SV2C: variants seen among roughly 807,000 people sequenced by gnomAD.
SV2C encodes solute carrier family 22 member B3.
A neutral mutation model predicts 79.7 loss-of-function variants in SV2C; 49 were observed. The observed-to-expected ratio is 0.61, with a 90% CI of 0.49 to 0.78. The LOEUF (loss-of-function observed/expected upper bound fraction) is 0.78, where lower values mean the gene tolerates loss of function less well. SV2C is among the 30% of genes least tolerant of loss of function. The probability of loss-of-function intolerance (pLI) is 0.00; values close to 1 mark genes in which losing one functional copy is unlikely to be tolerated. For missense variants in SV2C, 833 were observed against 912.9 expected (o/e 0.91, Z 1.13); for synonymous variants, 334 against 333.2 (o/e 1.00, Z -0.03).
chr5:75,941,717 C>T, the SV2C span, among the ~76,000 whole-genome samples: 2 of 152,198 alleles, frequency 1.3e-5, no homozygotes, highest in Admixed American at 6.5e-5. Flanking sequence ...CAGAGGCAGG[C>T]CTCAGGAAGC....
Position 76,325,405 on chromosome 5 carries a change from C to A in SV2C, c.2042C>A (p.Ala681Glu). The A allele has an allele frequency of 1.2e-6, 2 of 1,614,216 alleles. No individual in the cohort carries two copies. Among genetic ancestry groups the A allele is most frequent in the Non-Finnish European group, 1.7e-6 (2 of 1,180,040 alleles). The change falls in exon 13 of 13, where the codon GCA becomes GAA. Residue 681 changes from alanine (A) to glutamate (E), a missense_variant. Physicochemically the swap from Ala to Glu is moderately radical, Grantham distance 107 (BLOSUM62 -1). Transcript: ENST00000502798. Reference protein sequence around the residue: ...FGFLNALCKAAAVLGNLIFGS... With the variant: ...FGFLNALCKAEAVLGNLIFGS... ...TTCTTAAATGCGCTATGCAAGGCAG[C>A]AGCCGTCCTGGGAAACTTAATATTT...
At chr5:76,001,919 C>G in the SV2C span, among the ~76,000 whole-genome samples, 1 of 152,042 alleles carries the variant, frequency 6.6e-6, no homozygotes, top group African/African-American at 2.4e-5. Flanking sequence ...GTACACTGTA[C>G]CCAACATGTA....
chr5:75,985,723 A>T, the SV2C span, among the ~76,000 whole-genome samples: 2 of 151,930 alleles, frequency 1.3e-5, no homozygotes. Context: ...AAGTAAAAAA[A>T]GTGATGTTAC....
chr5:76,287,342 A>G (rs1410840515), intron 6 of SV2C, among the ~76,000 whole-genome samples: 2 of 152,228 alleles, frequency 1.3e-5, no homozygotes, highest in African/African-American at 2.4e-5. Context: ...TCAACTTGAT[A>G]TAGCTTGACA....
At chr5:76,249,766 T>A (rs983990564) in intron 4 of SV2C, among the ~76,000 whole-genome samples, 152 of 152,312 alleles carry the variant, frequency 1.0e-3, no homozygotes, top group Non-Finnish European at 1.7e-3. Context: ...TAGGTGTGTG[T>A]TGCTGATGCG....
At chr5:75,908,176 G>T in the SV2C span, among the ~76,000 whole-genome samples, 1 of 152,328 alleles carries the variant, frequency 6.6e-6, no homozygotes, top group Non-Finnish European at 1.5e-5. Flanking sequence ...GCTATTGGCA[G>T]TTGCTCTTGT....
intron 4 of SV2C, among the ~76,000 whole-genome samples, chr5:76,219,555 G>A (rs192808969): frequency 4.6e-4 from 70 of 152,280 alleles, no homozygotes; most frequent in Admixed American, 8.5e-4. Flanking sequence ...AAAGTCTCAC[G>A]TGCTGAAACA....
chr5:76,083,907 T>C (rs1747079315), intron 1 of SV2C: 1 of 152,298 alleles, frequency 6.6e-6, no homozygotes, highest in Non-Finnish European at 1.5e-5. Context: ...GATTCAAATC[T>C]AGCAGCCTAG....
At chr5:76,246,005 T>C (rs1022804934) in intron 4 of SV2C, among the ~76,000 whole-genome samples, 3 of 151,654 alleles carry the variant, frequency 2.0e-5, no homozygotes, top group African/African-American at 7.3e-5. Context: ...TTTTCCAGCA[T>C]ATAGAGATTA....
the SV2C span, among the ~76,000 whole-genome samples, chr5:76,036,992 A>C: frequency 6.6e-6 from 1 of 151,810 alleles, no homozygotes; most frequent in Admixed American, 6.6e-5. Flanking sequence ...CATTTCATTC[A>C]TTTCATCTTC....
chr5:75,849,516 C>T, the SV2C span, among the ~76,000 whole-genome samples: 1 of 152,088 alleles, frequency 6.6e-6, no homozygotes, highest in African/African-American at 2.4e-5. Context: ...GGGAAGTACC[C>T]GTGTGTATGT....
chr5:75,914,004 C>A, the SV2C span, among the ~76,000 whole-genome samples: 1 of 151,880 alleles, frequency 6.6e-6, no homozygotes, highest in African/African-American at 2.4e-5. Context: ...TAACTTGAAA[C>A]CTATACATGT....
At chr5:76,318,005 A>C (rs568135916) in intron 12 of SV2C, among the ~76,000 whole-genome samples, 2 of 152,114 alleles carry the variant, frequency 1.3e-5, no homozygotes, top group African/African-American at 4.8e-5. Context: ...CTCAAAAAAA[A>C]CCCATATCTG....
At chr5:76,335,885 A>G (rs575831288), downstream of SV2C, among the ~76,000 whole-genome samples, 6 of 152,208 alleles carry the variant, frequency 3.9e-5, no homozygotes, top group South Asian at 1.0e-3. Flanking sequence ...CCCCCTTTCT[A>G]TTCCACAAAA....
chr5:76,016,298 G>T, the SV2C span, among the ~76,000 whole-genome samples: 7 of 134,736 alleles, frequency 5.2e-5, no homozygotes, highest in Admixed American at 1.6e-4. Flanking sequence ...TATAGGCTGT[G>T]GTTGTATCAC....
the SV2C span, among the ~76,000 whole-genome samples, chr5:75,866,876 A>G: frequency 6.6e-6 from 1 of 152,180 alleles, no homozygotes; most frequent in Non-Finnish European, 1.5e-5. Flanking sequence ...GTCCCTGAGA[A>G]AGGGGCTTTC....
chr5:76,153,208 C>G (rs1407504074), intron 2 of SV2C, among the ~76,000 whole-genome samples: 2 of 152,188 alleles, frequency 1.3e-5, no homozygotes. Context: ...GGAGTAGCCT[C>G]TCTCCCTGAG....
chr5:75,936,658 C>A, the SV2C span, among the ~76,000 whole-genome samples: 3 of 152,084 alleles, frequency 2.0e-5, no homozygotes, highest in Admixed American at 6.6e-5. Context: ...ATGTTATGAA[C>A]AAAGAAAAGG....
At chr5:76,258,718 C>G (rs1035835724) in intron 4 of SV2C, among the ~76,000 whole-genome samples, 9 of 152,152 alleles carry the variant, frequency 5.9e-5, no homozygotes, top group African/African-American at 2.2e-4. Flanking sequence ...ATGCAAGAAT[C>G]TTAAGTGTAC....
Sources: allele counts gnomAD v4.1 joint callset (sites outside exome capture counted in the v4.1 genomes callset), GRCh38; gene constraint gnomAD v4.1.1; transcripts MANE v1.5; gene names NCBI Gene and HGNC (gene_info 2026-07-23, HGNC 2026-07-21).